MACF1: variants seen among roughly 807,000 people sequenced by gnomAD.
MACF1 encodes microtubule-actin cross-linking factor 1.
Under a neutral mutation model 854.8 loss-of-function variants are expected in MACF1, and 193 were observed. That is an observed-to-expected ratio of 0.23 (90% CI 0.20 to 0.25). MACF1 has a LOEUF of 0.25. Among genes scored for constraint, MACF1 ranks in the 10% least tolerant of loss-of-function variants. The pLI is 1.00. For missense variants in MACF1, 7,722 were observed against 8,929.1 expected (o/e 0.86, Z 5.45); for synonymous variants, 3,185 against 3,226.7 (o/e 0.99, Z 0.44).
Position 39,131,343 on chromosome 1 carries a change from T to A in MACF1, c.220+46905T>A, listed in dbSNP as rs548712854. On this transcript the variant is annotated intron_variant, in intron 2 of 93. Transcript: ENST00000361689. ...TCATGCCCAGCTCAGTTTTATTATT[T>A]TTTTTTTTTTTGTAGAGACAGGGTC... Among the ~76,000 whole-genome samples, 376 of 150,286 alleles carry A rather than the reference T, an allele frequency of 2.5e-3. 1 individual carries two copies. Among genetic ancestry groups the A allele is most frequent in the South Asian group, 5.5e-3 (26 of 4,752 alleles).
At chr1:39,483,009 C>T (rs1368520428) in intron 99 of MACF1, among the ~76,000 whole-genome samples, 2 of 136,732 alleles carry the variant, frequency 1.5e-5, no homozygotes, top group African/African-American at 2.8e-5. Flanking sequence ...TTGCTTGAGC[C>T]TGGGAGGTCG....
rs140615219 is a variant in MACF1, at chr1:39,216,391, C to A, written c.109+11260C>A. Among the ~76,000 whole-genome samples, 407 of 152,208 alleles carry A rather than the reference C, an allele frequency of 2.7e-3. 1 individual carries two copies. Among genetic ancestry groups the A allele is most frequent in the Middle Eastern group, 0.014 (4 of 294 alleles). On this transcript the variant is annotated intron_variant, in intron 1 of 100. Coordinates refer to ENST00000564288, the MANE Select transcript of MACF1 (RefSeq NM_001394062.1). The stretch of plus-strand genomic sequence containing the variant: ...TGTCTATGAAATCTTAGTTTGGGAA[C>A]CACTGGTTTGGTAATCTACTATCTT...
Position 39,333,721 on chromosome 1 carries a change from C to T in MACF1, c.7133C>T (p.Thr2378Ile). 1 of 1,614,118 alleles carries T rather than the reference C, an allele frequency of 6.2e-7. No individual in the cohort carries two copies. The highest frequency in any genetic ancestry group is 8.5e-7 in the Non-Finnish European group (1 of 1,180,020). The change falls in exon 37 of 101, where the codon ACC becomes ATC. Residue 2378 changes from threonine (T) to isoleucine (I), a missense_variant. By Grantham distance (89) the Thr-to-Ile change is moderately conservative. Transcript: ENST00000564288. ...ATAAGTGGTGTCTTAGACCCCCGTA[C>T]CCAGACACTGTGCTCTGTAAAGGAT... ...KAISGVLDPR[T>I]QTLCSVKDAV... is the part of the protein sequence containing the mutation.
chr1:39,296,827 G>GGAGGAAAAGAAAGAAAGA (rs1645925843), intron 20 of MACF1, among the ~76,000 whole-genome samples: 1 of 140,898 alleles, frequency 7.1e-6, no homozygotes, highest in African/African-American at 3.0e-5. Flanking sequence ...AGGAAGGAAG[G>GGAGGAAAAGAAAGAAAGA]AAGGAAGGAA....
At chr1:39,287,952 C>A (rs1472088720) in intron 15 of MACF1, among the ~76,000 whole-genome samples, 1 of 152,132 alleles carries the variant, frequency 6.6e-6, no homozygotes. Context: ...TCTTTTCCCT[C>A]AGCTAACTGT....
intron 1 of MACF1, among the ~76,000 whole-genome samples, chr1:39,216,854 G>A (rs1571184855): frequency 6.6e-6 from 1 of 152,104 alleles, no homozygotes; most frequent in Non-Finnish European, 1.5e-5. Context: ...GGGCAAAAAC[G>A]TAATGTAGCC....
At chr1:39,197,113 C>A (rs528046927) in intron 2 of MACF1, among the ~76,000 whole-genome samples, 1 of 152,120 alleles carries the variant, frequency 6.6e-6, no homozygotes, top group Non-Finnish European at 1.5e-5. Flanking sequence ...CCTCTAACCA[C>A]TTCCTGTAAA....
At chr1:39,145,504 GACTA>G (rs1643443628) in intron 2 of MACF1, among the ~76,000 whole-genome samples, 2 of 149,482 alleles carry the variant, frequency 1.3e-5, no homozygotes, top group Non-Finnish European at 3.0e-5. Context: ...CTCTTCTTCA[GACTA>G]ACTCTCTGTG....
intron 58 of MACF1, among the ~76,000 whole-genome samples, chr1:39,396,319 CAAA>C (rs1165225801): frequency 7.4e-5 from 6 of 81,604 alleles, no homozygotes; most frequent in Admixed American, 3.0e-4. Flanking sequence ...GACTCCATCT[CAAA>C]AAAAAAAAAA....
chr1:39,478,990 G>A (rs568173920), intron 97 of MACF1, among the ~76,000 whole-genome samples: 1 of 152,228 alleles, frequency 6.6e-6, no homozygotes, highest in South Asian at 2.1e-4. Flanking sequence ...AGCATCTTTC[G>A]CATTTAACAT....
At chr1:39,086,328 T>C (rs980345689) in intron 2 of MACF1, among the ~76,000 whole-genome samples, 1 of 152,164 alleles carries the variant, frequency 6.6e-6, no homozygotes, top group Admixed American at 6.5e-5. Context: ...GAGCTCCAAG[T>C]GAGGAGACAA....
intron 41 of MACF1, among the ~76,000 whole-genome samples, chr1:39,348,684 A>T (rs887393354): frequency 6.6e-6 from 1 of 152,176 alleles, no homozygotes. Context: ...GAAGGTAGAA[A>T]CTGGTGGAAA....
chr1:39,184,268 C>T (rs551264918), intron 2 of MACF1, among the ~76,000 whole-genome samples: 8 of 152,168 alleles, frequency 5.3e-5, no homozygotes, highest in South Asian at 2.1e-4. Flanking sequence ...TGCAGGGCGG[C>T]GTGTGTGGGT....
chr1:39,333,193 A>G lies in MACF1; in HGVS notation c.6605A>G (p.Gln2202Arg), dbSNP rs1646756916. ...CCCCAAAGCAAAAAGTTACAAGTTC[A>G]GGTAAAGAAAACTCTAGGTATAAAG... The part of the protein sequence containing the change: ...IKPQSKKLQV[Q>R]VKKTLGIKLE... Residue 2202 changes from glutamine (Q) to arginine (R), a missense_variant, in exon 37 of 101, where the codon CAG (glutamine) becomes CGG (arginine). Gln to Arg is a conservative substitution (Grantham distance 43, BLOSUM62 1). Transcript: ENST00000564288. The G allele has an allele frequency of 6.2e-7, 1 of 1,612,584 alleles. No individual in the cohort carries two copies. The highest frequency in any genetic ancestry group is 1.1e-5 in the South Asian group (1 of 90,574).
At chr1:39,272,266 T>C (rs1236827338) in intron 6 of MACF1, among the ~76,000 whole-genome samples, 2 of 152,202 alleles carry the variant, frequency 1.3e-5, no homozygotes, top group Non-Finnish European at 2.9e-5. Flanking sequence ...CTCTCACTGG[T>C]CCCTGAAGGA....
chr1:39,139,719 C>A (rs984446561), intron 2 of MACF1, among the ~76,000 whole-genome samples: 35 of 152,156 alleles, frequency 2.3e-4, no homozygotes, highest in South Asian at 4.1e-4. Flanking sequence ...ATCTCAGATA[C>A]AAGTTATATC....
chr1:39,461,328 G>A (rs888561836), intron 92 of MACF1, among the ~76,000 whole-genome samples: 2 of 152,094 alleles, frequency 1.3e-5, no homozygotes, highest in Non-Finnish European at 2.9e-5. Context: ...GTATATTCTT[G>A]AGTTGAGTGG....
chr1:39,142,977 A>G (rs1210617899), intron 2 of MACF1, among the ~76,000 whole-genome samples: 1 of 152,148 alleles, frequency 6.6e-6, no homozygotes, highest in Non-Finnish European at 1.5e-5. Context: ...TTCAGGGACA[A>G]TTAAGTGTTT....
chr1:39,462,099 T>C (rs1644566309), intron 93 of MACF1, 62 bp downstream of exon 93: 28 of 1,560,296 alleles, frequency 1.8e-5, no homozygotes, highest in Admixed American at 1.4e-4. Flanking sequence ...ATCCTGAATT[T>C]GGTTGGGTTC....
Sources: allele counts gnomAD v4.1 joint callset (sites outside exome capture counted in the v4.1 genomes callset), GRCh38; gene constraint gnomAD v4.1.1; transcripts MANE v1.5; gene names NCBI Gene and HGNC (gene_info 2026-07-23, HGNC 2026-07-21).